LGR6: variants seen among roughly 807,000 people sequenced by gnomAD.
LGR6 encodes the protein leucine-rich repeat-containing G protein-coupled receptor 6.
Under a neutral mutation model 69.4 loss-of-function variants are expected in LGR6, and 45 were observed. The observed-to-expected ratio is 0.65, with a 90% CI of 0.51 to 0.83. The LOEUF (loss-of-function observed/expected upper bound fraction) is 0.83, where lower values mean the gene tolerates loss of function less well. Ranked by LOEUF, LGR6 falls within the 40% of genes least tolerant of loss-of-function variation. The pLI is 0.00. For synonymous variants in LGR6, 538 were observed against 555.0 expected (o/e 0.97, Z 0.43); for missense variants, 1,108 against 1,246.7 (o/e 0.89, Z 1.68).
intron 2 of LGR6, among the ~76,000 whole-genome samples, chr1:202,226,244 C>G (rs1306910311): frequency 6.6e-6 from 1 of 152,186 alleles, no homozygotes; most frequent in Non-Finnish European, 1.5e-5. Flanking sequence ...TGCTTTCATC[C>G]TAGCTCTGTA....
intron 4 of LGR6, among the ~76,000 whole-genome samples, chr1:202,238,886 T>C (rs111587357): frequency 9.4e-4 from 143 of 152,300 alleles, no homozygotes; most frequent in African/African-American, 3.2e-3. Flanking sequence ...TGAAAGGTTC[T>C]TGTATCGGTT....
chr1:202,267,143 G>A (rs548050050), intron 4 of LGR6, among the ~76,000 whole-genome samples: 5 of 152,242 alleles, frequency 3.3e-5, no homozygotes, highest in East Asian at 1.9e-4. Context: ...GCCACAGGGC[G>A]GATAATGAAT....
At chr1:202,214,472 A>T (rs958265185) in intron 1 of LGR6, among the ~76,000 whole-genome samples, 45 of 151,182 alleles carry the variant, frequency 3.0e-4, no homozygotes, top group Non-Finnish European at 5.8e-4. Flanking sequence ...TGGGGTGGGC[A>T]GGGGCGCGCG....
intron 1 of LGR6, among the ~76,000 whole-genome samples, chr1:202,195,860 C>A (rs2361436): frequency 6.6e-6 from 1 of 152,156 alleles, no homozygotes; most frequent in African/African-American, 2.4e-5. Context: ...TGGTTAATGA[C>A]CCTTTTTCTA....
At chr1:202,205,816 TACAC>T (rs1390376245) in intron 1 of LGR6, among the ~76,000 whole-genome samples, 2 of 119,700 alleles carry the variant, frequency 1.7e-5, no homozygotes, top group Admixed American at 8.9e-5. Context: ...ACCTCCTTCA[TACAC>T]ACACACCCCA....
At chr1:202,304,520 C>G (rs756277692) in intron 10 of LGR6, 39 bp from the exon 11 acceptor site, 1 of 1,532,306 alleles carries the variant, frequency 6.5e-7, no homozygotes, top group Non-Finnish European at 9.0e-7. Context: ...TGGCAGGGCC[C>G]TGGGCCTGGT....
At chr1:202,264,325 A>T (rs1664477804) in intron 4 of LGR6, among the ~76,000 whole-genome samples, 1 of 152,218 alleles carries the variant, frequency 6.6e-6, no homozygotes, top group Non-Finnish European at 1.5e-5. Flanking sequence ...AAAGTCTGCT[A>T]GGACAGCTTT....
chr1:202,274,075 C>T (rs1175843836), intron 4 of LGR6, among the ~76,000 whole-genome samples: 1 of 152,034 alleles, frequency 6.6e-6, no homozygotes, highest in Non-Finnish European at 1.5e-5. Context: ...CGGGGGAAAG[C>T]GGGAGGTGAG....
At chr1:202,256,336 C>A (rs1046957575) in intron 4 of LGR6, among the ~76,000 whole-genome samples, 1 of 151,996 alleles carries the variant, frequency 6.6e-6, no homozygotes, top group Non-Finnish European at 1.5e-5. Context: ...CACTGTCTCC[C>A]GGGTTCAAGC....
At chr1:202,272,557 G>A (rs1004641094) in intron 4 of LGR6, among the ~76,000 whole-genome samples, 2 of 152,316 alleles carry the variant, frequency 1.3e-5, no homozygotes, top group East Asian at 1.9e-4. Context: ...CTGACAGAGC[G>A]GAAAGAGGCC....
At chr1:202,267,991 G>A (rs1198019730) in intron 4 of LGR6, among the ~76,000 whole-genome samples, 6 of 152,182 alleles carry the variant, frequency 3.9e-5, no homozygotes, top group African/African-American at 1.4e-4. Context: ...GCCTTCATGA[G>A]ACCATAAAGG....
intron 4 of LGR6, among the ~76,000 whole-genome samples, chr1:202,269,823 A>G (rs916557254): frequency 9.2e-5 from 14 of 152,184 alleles, no homozygotes; most frequent in African/African-American, 2.4e-5. Context: ...CGCCTCCCTT[A>G]GGGCACACTG....
chr1:202,234,116 C>T (rs1053367291), intron 3 of LGR6, among the ~76,000 whole-genome samples: 2 of 152,250 alleles, frequency 1.3e-5, no homozygotes, highest in African/African-American at 4.8e-5. Flanking sequence ...GCCAACAGAC[C>T]TTCAGGAACA....
intron 15 of LGR6, 34 bp from the exon 16 acceptor site, chr1:202,310,163 G>A: frequency 6.2e-7 from 1 of 1,610,232 alleles, no homozygotes; most frequent in South Asian, 1.1e-5. Flanking sequence ...CAAAGATGCT[G>A]AGGCAGCCAA....
At chr1:202,307,238 C>A in intron 13 of LGR6, 92 bp from the exon 14 acceptor site, 1 of 1,241,950 alleles carries the variant, frequency 8.1e-7, no homozygotes, top group Non-Finnish European at 1.2e-6. Context: ...GGGGGCAGGT[C>A]AGATGGGGGT....
chr1:202,301,013 C>A, intron 8 of LGR6, 93 bp downstream of exon 8: 1 of 1,323,636 alleles, frequency 7.6e-7, no homozygotes, highest in Non-Finnish European at 1.1e-6. Flanking sequence ...CCCTAGGAAG[C>A]ACCAGGGAGG....
intron 10 of LGR6, 131 bp from the exon 11 acceptor site, chr1:202,304,428 C>G: frequency 1.9e-5 from 10 of 526,396 alleles, no homozygotes; most frequent in Non-Finnish European, 2.6e-5. Flanking sequence ...CCTGCCCTGT[C>G]TCTCCCTCCA....
Position 202,193,926 on chromosome 1 carries a change from C to A in LGR6, c.-64C>A. On this transcript the variant is annotated 5_prime_UTR_variant, in exon 1 of 18. In the 5' UTR this introduces an upstream ATG that the reference lacks. Coordinates refer to ENST00000367278, the MANE Select transcript of LGR6 (RefSeq NM_001017403.2). ...GCCCGCCGGGACCGGGAGGAAGCAG[C>A]TGCGGCCATCGCGCCGTGCGTCCGC... 9.3e-7 allele frequency: 1 copy of A among 1,075,628 alleles called. No individual in the cohort carries two copies. Among genetic ancestry groups the A allele is most frequent in the Non-Finnish European group, 1.2e-6 (1 of 836,112 alleles). 66.6% of individuals were successfully genotyped at this position (1,075,628 alleles called of 1,614,324 possible).
chr1:202,306,783 C>T (rs1324040473), intron 12 of LGR6, 85 bp from the exon 13 acceptor site: 1 of 1,268,368 alleles, frequency 7.9e-7, no homozygotes, highest in African/African-American at 1.5e-5. Flanking sequence ...GGGGGCTCTA[C>T]TTTCTTCCTC....
Sources: allele counts gnomAD v4.1 joint callset (sites outside exome capture counted in the v4.1 genomes callset), GRCh38; gene constraint gnomAD v4.1.1; transcripts MANE v1.5; gene names NCBI Gene and HGNC (gene_info 2026-07-23, HGNC 2026-07-21).